TSHZ2: variants seen among roughly 807,000 people sequenced by gnomAD.
The protein encoded by TSHZ2 is teashirt homolog 2.
A neutral mutation model predicts 74.4 loss-of-function variants in TSHZ2; 21 were observed. The ratio of observed to expected loss-of-function variants is 0.28; its 90% CI spans 0.20 to 0.41. TSHZ2 has a LOEUF of 0.41. Ranked by LOEUF, TSHZ2 falls within the 10% of genes least tolerant of loss-of-function variation. The probability of loss-of-function intolerance (pLI) is 1.00; values close to 1 mark genes in which losing one functional copy is unlikely to be tolerated. For synonymous variants in TSHZ2, 540 were observed against 515.3 expected (o/e 1.05, Z -0.65); for missense variants, 1,244 against 1,293.5 (o/e 0.96, Z 0.59).
intron 1 of TSHZ2, chr20:53,098,071 C>A (rs952883530): frequency 2.0e-5 from 3 of 152,178 alleles, no homozygotes; most frequent in African/African-American, 7.2e-5. Flanking sequence ...GAAGCTAAGT[C>A]TGATTTGGAG....
At chr20:53,295,416 G>A (rs1017301153) in intron 2 of TSHZ2, among the ~76,000 whole-genome samples, 1 of 140,632 alleles carries the variant, frequency 7.1e-6, no homozygotes, top group Non-Finnish European at 1.6e-5. Context: ...TTATGTATAC[G>A]TGTGTGTGTG....
chr20:53,025,410 C>T (rs1209748456), intron 1 of TSHZ2, among the ~76,000 whole-genome samples: 1 of 152,082 alleles, frequency 6.6e-6, no homozygotes, highest in Non-Finnish European at 1.5e-5. Context: ...AGATATAACA[C>T]AAAAATGCAT....
intron 2 of TSHZ2, among the ~76,000 whole-genome samples, chr20:53,444,988 C>A (rs1984496712): frequency 6.6e-6 from 1 of 152,160 alleles, no homozygotes. Flanking sequence ...AGCATTGAGG[C>A]CGATGTGGTT....
At chr20:53,139,285 C>T (rs1245160008) in intron 1 of TSHZ2, among the ~76,000 whole-genome samples, 2 of 152,154 alleles carry the variant, frequency 1.3e-5, no homozygotes, top group Non-Finnish European at 2.9e-5. Context: ...AGTACAGGGT[C>T]TGGTTTATAG....
intron 1 of TSHZ2, among the ~76,000 whole-genome samples, chr20:53,082,871 T>C (rs886201347): frequency 6.6e-6 from 1 of 152,244 alleles, no homozygotes; most frequent in African/African-American, 2.4e-5. Context: ...TTGTTAAATG[T>C]TGTACTGGAT....
intron 2 of TSHZ2, among the ~76,000 whole-genome samples, chr20:53,461,860 C>T (rs956962968): frequency 2.6e-5 from 4 of 152,000 alleles, no homozygotes; most frequent in Non-Finnish European, 5.9e-5. Flanking sequence ...TGACAATTTC[C>T]AACAAACTCT....
rs1990634490 is a variant in TSHZ2, at chr20:53,263,074, A to T, written c.*8+6503A>T. On this transcript the variant is annotated intron_variant, in intron 2 of 2. Transcript: ENST00000371497. ...TTTGTGTATTTGTTTGTTTACTTGC[A>T]GGAGGCATAGAATATATTTAGGCAC... 2.0e-5 allele frequency among the ~76,000 whole-genome samples: 3 copies of T among 152,208 alleles called. No homozygotes were observed. The South Asian group carries it at 6.2e-4, about 31-fold the overall frequency.
chr20:53,442,031 T>C (rs1984353232), intron 2 of TSHZ2, among the ~76,000 whole-genome samples: 2 of 151,910 alleles, frequency 1.3e-5, no homozygotes, highest in Non-Finnish European at 2.9e-5. Flanking sequence ...ATGAGTTGAG[T>C]GTGTTGGGTT....
chr20:53,352,046 G>T (rs997114249), intron 2 of TSHZ2, among the ~76,000 whole-genome samples: 17 of 152,064 alleles, frequency 1.1e-4, no homozygotes, highest in Non-Finnish European at 2.2e-4. Context: ...TTTAGAAATT[G>T]TTCACTCTAT....
intron 1 of TSHZ2, among the ~76,000 whole-genome samples, chr20:53,038,909 T>TTTTG (rs1351529385): frequency 8.3e-5 from 7 of 84,154 alleles, no homozygotes; most frequent in African/African-American, 7.2e-4. Context: ...TGTTTGTTTG[T>TTTTG]TTTTGAGATG....
intron 1 of TSHZ2, among the ~76,000 whole-genome samples, chr20:53,123,901 G>C (rs1285045728): frequency 6.6e-6 from 1 of 152,168 alleles, no homozygotes; most frequent in Non-Finnish European, 1.5e-5. Flanking sequence ...TTTTTAAAAG[G>C]TGCTTATAAA....
intron 1 of TSHZ2, among the ~76,000 whole-genome samples, chr20:52,999,487 AGG>A (rs1982330084): frequency 2.0e-5 from 3 of 152,232 alleles, no homozygotes. Context: ...AGTGTGCGAT[AGG>A]TCTCCTCAGT....
At chr20:53,384,546 T>A (rs1981975860) in intron 2 of TSHZ2, among the ~76,000 whole-genome samples, 1 of 152,184 alleles carries the variant, frequency 6.6e-6, no homozygotes, top group Non-Finnish European at 1.5e-5. Flanking sequence ...TGTCCTGACG[T>A]CTAGTCCCTG....
chr20:53,167,100 T>G (rs1291355788), intron 1 of TSHZ2, among the ~76,000 whole-genome samples: 1 of 152,146 alleles, frequency 6.6e-6, no homozygotes, highest in African/African-American at 2.4e-5. Flanking sequence ...ACAAAGGTCC[T>G]GGGGTGAGAA....
chr20:53,052,395 C>T (rs1568737601), intron 1 of TSHZ2, among the ~76,000 whole-genome samples: 1 of 152,126 alleles, frequency 6.6e-6, no homozygotes, highest in South Asian at 2.1e-4. Flanking sequence ...AAGTACGAAC[C>T]CTATTGTGAA....
chr20:53,122,840 G>T (rs1005240638), intron 1 of TSHZ2, among the ~76,000 whole-genome samples: 15 of 152,146 alleles, frequency 9.9e-5, no homozygotes, highest in Non-Finnish European at 1.8e-4. Flanking sequence ...AATTGGTGGG[G>T]GACAGGGCAT....
intron 2 of TSHZ2, among the ~76,000 whole-genome samples, chr20:53,351,153 C>T (rs35201013): frequency 3.9e-5 from 6 of 152,278 alleles, no homozygotes; most frequent in African/African-American, 9.6e-5. Context: ...AACTTTCATC[C>T]GCATCTGATC....
At chr20:53,210,559 G>A (rs1014211032) in intron 1 of TSHZ2, among the ~76,000 whole-genome samples, 6 of 151,552 alleles carry the variant, frequency 4.0e-5, no homozygotes, top group Admixed American at 3.9e-4. Context: ...CCATTCCATC[G>A]TCCATCTGCT....
intron 1 of TSHZ2, among the ~76,000 whole-genome samples, chr20:53,141,819 T>G (rs1987407157): frequency 6.6e-6 from 1 of 152,246 alleles, no homozygotes; most frequent in African/African-American, 2.4e-5. Context: ...TTCCTGCTGA[T>G]AGGCGCTAAG....
Sources: gnomAD v4.1 joint callset for allele counts (sites outside exome capture counted in the v4.1 genomes callset) on GRCh38, gnomAD v4.1.1 for gene constraint, MANE v1.5 for transcripts, NCBI Gene and HGNC (gene_info 2026-07-23, HGNC 2026-07-21) for gene names.